Variants in CLMP observed in about 807,000 individuals in gnomAD.
CLMP encodes the protein CXADR like cell adhesion molecule, also known as CXADR-like membrane protein.
CLMP carries 27 observed loss-of-function variants against 45.2 expected under a neutral mutation model. The ratio of observed to expected loss-of-function variants is 0.60; its 90% CI spans 0.44 to 0.82. The LOEUF (loss-of-function observed/expected upper bound fraction) is 0.82, where lower values mean the gene tolerates loss of function less well. CLMP is among the 40% of genes least tolerant of loss of function. The pLI is 0.00. For synonymous variants in CLMP, 167 were observed against 171.4 expected, an observed-to-expected ratio of 0.97 and a Z score of 0.20; for missense variants, 403 against 448.4, an observed-to-expected ratio of 0.90 and a Z score of 0.91.
intron 1 of CLMP, among the ~76,000 whole-genome samples, chr11:123,152,523 AAAATAAATAAAT>A (rs59307398): frequency 0.028 from 3,956 of 142,766 alleles, 164 homozygotes; most frequent in African/African-American, 0.1. Flanking sequence ...ACTCCATCTC[AAAATAAATAAAT>A]AAATAAATAA....
intron 1 of CLMP, among the ~76,000 whole-genome samples, chr11:123,153,855 T>TTTC (rs1555085046): frequency 6.6e-6 from 1 of 150,538 alleles, no homozygotes; most frequent in Non-Finnish European, 1.5e-5. Context: ...ACTTTTTTTT[T>TTTC]TTTTTTTTTT....
chr11:123,118,931 T>TC (rs1860755183), intron 1 of CLMP, among the ~76,000 whole-genome samples: 1 of 17,038 alleles, frequency 5.9e-5, no homozygotes, highest in South Asian at 2.4e-3. Context: ...TTCTTTTCTT[T>TC]TCTTTCTTTC....
At chr11:123,115,653 T>TAA (rs1312392421) in intron 1 of CLMP, among the ~76,000 whole-genome samples, 2 of 152,104 alleles carry the variant, frequency 1.3e-5, no homozygotes, top group Non-Finnish European at 2.9e-5. Context: ...GTAGTGAATA[T>TAA]AAGGGAACAT....
chr11:123,153,721 C>A (rs1861372695), intron 1 of CLMP, among the ~76,000 whole-genome samples: 1 of 152,018 alleles, frequency 6.6e-6, no homozygotes, highest in African/African-American at 2.4e-5. Flanking sequence ...CTCACTTTGT[C>A]CCCCAGGCTG....
chr11:123,140,013 A>G (rs1353993987), intron 1 of CLMP, among the ~76,000 whole-genome samples: 1 of 152,206 alleles, frequency 6.6e-6, no homozygotes, highest in East Asian at 1.9e-4. Context: ...GCACTGACTC[A>G]ATGGTTGGAA....
At chr11:123,136,472 T>C in intron 1 of CLMP, 1 of 366,782 alleles carries the variant, frequency 2.7e-6, no homozygotes, top group African/African-American at 2.4e-5. Context: ...CCCTGGCGCT[T>C]TAAGGGCCGC....
chr11:123,141,173 CTTTTTTTTTTT>C lies in CLMP; in HGVS notation c.29-43232_29-43222del, dbSNP rs550888215. Among the ~76,000 whole-genome samples, 12 of 80,840 alleles carry C rather than the reference CTTTTTTTTTTT, an allele frequency of 1.5e-4. No individual in the cohort carries two copies. The East Asian group carries it at 1.6e-3, about 11-fold the overall frequency. 53.0% of individuals were successfully genotyped at this position (80,840 alleles called of 152,430 possible). The stretch of plus-strand genomic sequence containing the variant: ...GTACATTATCCAATCTCAGGCATTC[CTTTTTTTTTTT>C]TTTTTTTTTTTTTTTTTTGAGACGA... On this transcript the variant is annotated intron_variant, in intron 1 of 6. Coordinates refer to ENST00000448775, the MANE Select transcript of CLMP (RefSeq NM_024769.5).
At chr11:123,184,252 G>A (rs1006130791) in intron 1 of CLMP, among the ~76,000 whole-genome samples, 1 of 151,962 alleles carries the variant, frequency 6.6e-6, no homozygotes, top group African/African-American at 2.4e-5. Flanking sequence ...GTGCCACCAC[G>A]CCAGGCTAAT....
intron 1 of CLMP, among the ~76,000 whole-genome samples, chr11:123,127,214 T>C (rs914057414): frequency 3.9e-5 from 6 of 152,062 alleles, no homozygotes; most frequent in African/African-American, 1.2e-4. Flanking sequence ...CTGCGCCTCC[T>C]GGATTCAAGT....
intron 1 of CLMP, among the ~76,000 whole-genome samples, chr11:123,099,457 A>C (rs1027453771): frequency 1.3e-5 from 2 of 152,228 alleles, no homozygotes; most frequent in African/African-American, 4.8e-5. Context: ...GGTTCAGGAA[A>C]AGCTGAAATC....
intron 1 of CLMP, among the ~76,000 whole-genome samples, chr11:123,113,096 A>G (rs1860666045): frequency 1.3e-5 from 2 of 152,196 alleles, no homozygotes; most frequent in East Asian, 1.9e-4. Context: ...TAATTATTGT[A>G]TATCATAACA....
intron 1 of CLMP, among the ~76,000 whole-genome samples, chr11:123,149,744 A>T (rs1422029008): frequency 6.6e-6 from 1 of 152,092 alleles, no homozygotes; most frequent in Non-Finnish European, 1.5e-5. Flanking sequence ...AGGTTCTCAA[A>T]GGGAAAAGAG....
intron 1 of CLMP, among the ~76,000 whole-genome samples, chr11:123,102,415 G>A (rs1161466758): frequency 7.0e-6 from 1 of 142,380 alleles, no homozygotes; most frequent in Non-Finnish European, 1.5e-5. Context: ...TGAGTAGCTG[G>A]GACTACAGGC....
chr11:123,129,361 A>G (rs1177902660), intron 1 of CLMP, among the ~76,000 whole-genome samples: 1 of 121,458 alleles, frequency 8.2e-6, no homozygotes, highest in East Asian at 2.2e-4. Context: ...ATCATATGAT[A>G]TATTATATAA....
At chr11:123,170,547 C>T (rs1861617811) in intron 1 of CLMP, among the ~76,000 whole-genome samples, 1 of 151,062 alleles carries the variant, frequency 6.6e-6, no homozygotes, top group Admixed American at 6.6e-5. Flanking sequence ...TCAAGTGATT[C>T]TCCTGCCTCT....
intron 1 of CLMP, chr11:123,188,726 T>G (rs2135552711): frequency 6.6e-6 from 1 of 152,324 alleles, no homozygotes; most frequent in East Asian, 1.9e-4. Flanking sequence ...AACCGACTGC[T>G]GCTAACAAAA....
intron 1 of CLMP, among the ~76,000 whole-genome samples, chr11:123,100,367 C>T (rs553160309): frequency 6.8e-5 from 10 of 147,746 alleles, no homozygotes; most frequent in African/African-American, 2.3e-4. Context: ...GGTGACAGAG[C>T]GAGACTCCCT....
chr11:123,172,461 T>C (rs1387767581), intron 1 of CLMP, among the ~76,000 whole-genome samples: 1 of 151,984 alleles, frequency 6.6e-6, no homozygotes, highest in African/African-American at 2.4e-5. Flanking sequence ...AGTGTTTATG[T>C]TGCAATAAAC....
chr11:123,118,102 G>A (rs1860741184), intron 1 of CLMP, among the ~76,000 whole-genome samples: 1 of 152,134 alleles, frequency 6.6e-6, no homozygotes, highest in Non-Finnish European at 1.5e-5. Context: ...AAAACAACCA[G>A]TGTATAGGTT....
Sources: allele counts gnomAD v4.1 joint callset (sites outside exome capture counted in the v4.1 genomes callset), GRCh38; gene constraint gnomAD v4.1.1; transcripts MANE v1.5; gene names NCBI Gene and HGNC (gene_info 2026-07-23, HGNC 2026-07-21).